Variants in ZNF722 observed in about 807,000 individuals in gnomAD.
ZNF722 encodes zinc finger protein 479 pseudogene.
the ZNF722 span, among the ~76,000 whole-genome samples, chr7:64,008,574 G>C: frequency 6.6e-6 from 1 of 152,156 alleles, no homozygotes; most frequent in Non-Finnish European, 1.5e-5. Flanking sequence ...TGTTATTTCT[G>C]AGGGCTCTGT....
chr7:64,000,334 G>T, the ZNF722 span, among the ~76,000 whole-genome samples: 1 of 148,032 alleles, frequency 6.8e-6, no homozygotes, highest in East Asian at 2.0e-4. Context: ...TCTCCATGTT[G>T]GTCAGGCTGG....
At chr7:64,015,338 C>A in the ZNF722 span, 25 of 1,384,930 alleles carry the variant, frequency 1.8e-5, no homozygotes. Flanking sequence ...AAAAATATGG[C>A]AAATCGTTTT....
the ZNF722 span, among the ~76,000 whole-genome samples, chr7:64,014,191 A>T: frequency 2.6e-5 from 4 of 151,446 alleles, no homozygotes; most frequent in African/African-American, 9.7e-5. Flanking sequence ...TATTTCACTT[A>T]TTCTTTTTTA....
the ZNF722 span, among the ~76,000 whole-genome samples, chr7:64,008,319 A>G: frequency 1.3e-5 from 2 of 152,134 alleles, no homozygotes; most frequent in Non-Finnish European, 2.9e-5. Context: ...GTCCTTGCCC[A>G]TGCCTATGTC....
the ZNF722 span, among the ~76,000 whole-genome samples, chr7:63,999,429 A>G: frequency 1.3e-4 from 20 of 151,998 alleles, no homozygotes; most frequent in African/African-American, 4.3e-4. Context: ...ATATTAGAGA[A>G]CTTGATCAAA....
chr7:64,008,283 A>G, the ZNF722 span, among the ~76,000 whole-genome samples: 5 of 152,034 alleles, frequency 3.3e-5, no homozygotes, highest in East Asian at 7.8e-4. Context: ...TTTTGTTGCT[A>G]TTGCTTTTAG....
chr7:64,005,259 A>G, the ZNF722 span, among the ~76,000 whole-genome samples: 7 of 151,992 alleles, frequency 4.6e-5, no homozygotes, highest in Non-Finnish European at 1.5e-5. Flanking sequence ...AGATCATGCC[A>G]CTCCCATTCC....
At chr7:64,000,784 G>A in the ZNF722 span, among the ~76,000 whole-genome samples, 5 of 149,858 alleles carry the variant, frequency 3.3e-5, no homozygotes, top group Admixed American at 3.3e-4. Flanking sequence ...TTTTTGGCGG[G>A]GGGAGCGGGA....
At chr7:64,014,873 T>C in the ZNF722 span, among the ~76,000 whole-genome samples, 2 of 152,208 alleles carry the variant, frequency 1.3e-5, no homozygotes, top group East Asian at 1.9e-4. Context: ...ACTATGATTT[T>C]GTTAGGTTTA....
At chr7:63,998,922 A>G in the ZNF722 span, 2 of 1,387,774 alleles carry the variant, frequency 1.4e-6, no homozygotes, top group Non-Finnish European at 1.9e-6. Flanking sequence ...CTAGAGGCCA[A>G]GCCTCTGTGG....
At chr7:64,006,223 G>A in the ZNF722 span, 1 of 1,254,962 alleles carries the variant, frequency 8.0e-7, no homozygotes, top group Non-Finnish European at 1.1e-6. Context: ...TAATAAAACA[G>A]GTATTGCTGA....
the ZNF722 span, among the ~76,000 whole-genome samples, chr7:64,017,399 G>T: frequency 1.3e-5 from 2 of 151,892 alleles, no homozygotes; most frequent in Non-Finnish European, 2.9e-5. Flanking sequence ...AACAAAAAAG[G>T]CATTATAAAT....
the ZNF722 span, among the ~76,000 whole-genome samples, chr7:64,010,615 TTG>T: frequency 6.6e-6 from 1 of 152,190 alleles, no homozygotes; most frequent in South Asian, 2.1e-4. Context: ...AGACAGTTTG[TTG>T]TGATTTCTGT....
At chr7:64,005,561 A>G in the ZNF722 span, 3 of 789,082 alleles carry the variant, frequency 3.8e-6, no homozygotes, top group Non-Finnish European at 2.2e-6. Context: ...CTATGGCCAC[A>G]TGGTAACTGT....
the ZNF722 span, among the ~76,000 whole-genome samples, chr7:64,016,422 A>C: frequency 6.6e-6 from 1 of 151,976 alleles, no homozygotes; most frequent in African/African-American, 2.4e-5. Context: ...TTTATATTAG[A>C]GATACCCTAG....
chr7:64,015,511 C>T, the ZNF722 span: 4 of 1,612,944 alleles, frequency 2.5e-6, no homozygotes, highest in Non-Finnish European at 3.4e-6. Context: ...TGTGGCAAAG[C>T]CTTTAGGTGG....
the ZNF722 span, among the ~76,000 whole-genome samples, chr7:64,004,425 A>AAAAAAAAAAAAAAAAATATATAT: frequency 2.1e-4 from 13 of 61,094 alleles, no homozygotes; most frequent in African/African-American, 8.0e-4. Flanking sequence ...AAAAAAAAAA[A>AAAAAAAAAAAAAAAAATATATAT]ATATATATAT....
At chr7:64,004,240 A>G in the ZNF722 span, among the ~76,000 whole-genome samples, 4 of 138,422 alleles carry the variant, frequency 2.9e-5, no homozygotes, top group South Asian at 2.3e-4. Flanking sequence ...GTCTCTACGG[A>G]AAAAAAAAAA....
chr7:64,005,813 G>C, the ZNF722 span: 1 of 1,296,252 alleles, frequency 7.7e-7, no homozygotes. Context: ...GGTAATTTCT[G>C]CTTTGCATGA....
Sources: gnomAD v4.1 joint callset for allele counts (sites outside exome capture counted in the v4.1 genomes callset) on GRCh38, gnomAD v4.1.1 for gene constraint, MANE v1.5 for transcripts, NCBI Gene and HGNC (gene_info 2026-07-23, HGNC 2026-07-21) for gene names.